The following TMEM120B variants were observed in gnomAD, a reference collection of about 807,000 sequenced individuals.
The protein encoded by TMEM120B is transmembrane protein 120B.
In TMEM120B, 31 loss-of-function variants were observed where a neutral mutation model predicts 55.5. That is an observed-to-expected ratio of 0.56 (90% CI 0.42 to 0.75). The LOEUF (loss-of-function observed/expected upper bound fraction) is 0.75. Among genes scored for constraint, TMEM120B ranks in the 30% least tolerant of loss-of-function variants. TMEM120B has a pLI of 0.00. For missense variants in TMEM120B, 399 were observed against 425.5 expected (o/e 0.94, Z 0.55); for synonymous variants, 203 against 176.3 (o/e 1.15, Z -1.20).
rs1873353269 is a variant in TMEM120B, at chr12:121,752,218, C to G, written c.456C>G (p.His152Gln). The G allele has an allele frequency of 1.9e-6, 3 of 1,613,584 alleles. No homozygotes were observed. In the South Asian group the frequency reaches 3.3e-5, roughly 18 times the overall value. Reference protein sequence around the residue: ...LGAVACRFVLHYRVTDEVFNF... With the variant: ...LGAVACRFVLQYRVTDEVFNF... ...CCGTGGCATGTCGATTTGTCCTTCA[C>G]TACAGGTAGTGGGTGTGGCCGTGTG... is the stretch of plus-strand genomic sequence containing the variant. Residue 152 changes from histidine (H) to glutamine (Q), a missense_variant, in exon 5 of 12, where the codon CAC becomes CAG. His to Gln is a conservative substitution (Grantham distance 24). Around this residue, in one of 3 missense-constraint regions of TMEM120B, gnomAD observed 260 missense variants for 303.9 expected, o/e 0.86. Transcript: ENST00000449592.
intron 6 of TMEM120B, among the ~76,000 whole-genome samples, chr12:121,769,214 C>T (rs907858730): frequency 2.7e-5 from 4 of 147,918 alleles, no homozygotes; most frequent in African/African-American, 7.5e-5. Flanking sequence ...GTTCTGGAAA[C>T]AGAGTTCCCA....
At chr12:121,721,841 C>T (rs1331424369) in intron 1 of TMEM120B, among the ~76,000 whole-genome samples, 6 of 116,624 alleles carry the variant, frequency 5.1e-5, no homozygotes, top group Admixed American at 9.9e-5. Context: ...CAGCGTCTTG[C>T]TCTGTCGCCC....
chr12:121,750,486 C>T, intron 4 of TMEM120B, 47 bp downstream of exon 4: 1 of 1,383,084 alleles, frequency 7.2e-7, no homozygotes, highest in Non-Finnish European at 1.0e-6. Flanking sequence ...CACACCGCCC[C>T]CACACCCACA....
chr12:121,774,534 C>T (rs1874171499), intron 9 of TMEM120B, 124 bp from the exon 10 acceptor site: 1 of 875,316 alleles, frequency 1.1e-6, no homozygotes, highest in African/African-American at 1.7e-5. Context: ...GGCTGACCCC[C>T]CGCATGTGTG....
intron 5 of TMEM120B, among the ~76,000 whole-genome samples, chr12:121,753,343 GT>G (rs1055443891): frequency 6.6e-6 from 1 of 151,488 alleles, no homozygotes; most frequent in Non-Finnish European, 1.5e-5. Flanking sequence ...TGGGTACAAG[GT>G]TTTTTTTTAG....
At chr12:121,729,927 A>T (rs528004534) in intron 1 of TMEM120B, among the ~76,000 whole-genome samples, 341 of 152,216 alleles carry the variant, frequency 2.2e-3, no homozygotes, top group Non-Finnish European at 2.4e-3. Context: ...GATAAATAAA[A>T]TGTGGCTCGT....
chr12:121,750,489 C>T (rs766114736), intron 4 of TMEM120B, 50 bp downstream of exon 4: 7 of 1,387,078 alleles, frequency 5.0e-6, no homozygotes, highest in Non-Finnish European at 7.0e-6. Flanking sequence ...ACCGCCCCCA[C>T]ACCCACACCC....
intron 6 of TMEM120B, among the ~76,000 whole-genome samples, chr12:121,764,799 C>G (rs944724125): frequency 1.2e-4 from 19 of 152,108 alleles, no homozygotes; most frequent in Non-Finnish European, 2.1e-4. Context: ...GAGTGGAGGT[C>G]TCTGCAAGTG....
Position 121,733,543 on chromosome 12 carries a change from A to ATT in TMEM120B, c.70-10073_70-10072dup, listed in dbSNP as rs776153472. Among the ~76,000 whole-genome samples the ATT allele has an allele frequency of 2.4e-3, 201 of 82,118 alleles. No individual in the cohort carries two copies. In the East Asian group the frequency reaches 0.065, roughly 27 times the overall value. 53.9% of individuals were successfully genotyped at this position (82,118 alleles called of 152,430 possible). ...ATAGGCGTGAGCCACCGTGCCTGGTATTTTTTTTTTTTTTGAGACAGAGTC... is the reference window on the plus strand; with the variant it reads ...ATAGGCGTGAGCCACCGTGCCTGGTATTTTTTTTTTTTTTTTGAGACAGAGTC... On this transcript the variant is annotated intron_variant, in intron 1 of 11. Transcript: ENST00000449592.
At chr12:121,724,030 CTTTTTTTTTTTT>C (rs56972824) in intron 1 of TMEM120B, among the ~76,000 whole-genome samples, 1 of 75,962 alleles carries the variant, frequency 1.3e-5, no homozygotes, top group African/African-American at 5.3e-5. Context: ...TCAAGTGATC[CTTTTTTTTTTTT>C]TTTTTTTTTT....
In TMEM120B at chr12:121,741,737, A is replaced by G. The variant is rs544930113; in HGVS notation, c.70-1892A>G. Among the ~76,000 whole-genome samples, 4 of 152,172 alleles carry G rather than the reference A, an allele frequency of 2.6e-5. No homozygotes were observed. In the East Asian group the frequency reaches 5.8e-4, roughly 22 times the overall value. On this transcript the variant is annotated intron_variant, in intron 1 of 11. Coordinates refer to ENST00000449592, the MANE Select transcript of TMEM120B (RefSeq NM_001080825.2). ...AACCTCCACCTCCTGGGTTCAAGCA[A>G]TTCTCATGCCTTAGCCTCCCGAGTA...
chr12:121,762,820 G>A (rs1873723178), intron 6 of TMEM120B, among the ~76,000 whole-genome samples: 1 of 152,196 alleles, frequency 6.6e-6, no homozygotes, highest in South Asian at 2.1e-4. Flanking sequence ...TAGGAGTGTG[G>A]ACTCCTGGGT....
At chr12:121,774,340 T>TG (rs1278902723) in intron 9 of TMEM120B, among the ~76,000 whole-genome samples, 2 of 152,222 alleles carry the variant, frequency 1.3e-5, no homozygotes, top group African/African-American at 4.8e-5. Context: ...ATAGAACTAA[T>TG]GCATGTGAAA....
intron 2 of TMEM120B, among the ~76,000 whole-genome samples, chr12:121,744,614 G>C (rs1873029239): frequency 1.3e-5 from 2 of 152,160 alleles, no homozygotes; most frequent in Admixed American, 1.3e-4. Flanking sequence ...TTCATTTCCT[G>C]ACACTCATGG....
intron 1 of TMEM120B, among the ~76,000 whole-genome samples, chr12:121,716,885 A>G (rs1008583132): frequency 2.0e-5 from 3 of 152,146 alleles, no homozygotes; most frequent in Admixed American, 2.0e-4. Context: ...GAAGGAAAGA[A>G]AGAGCAAACC....
chr12:121,738,656 A>G (rs960616373), intron 1 of TMEM120B, among the ~76,000 whole-genome samples: 4 of 152,190 alleles, frequency 2.6e-5, no homozygotes, highest in Non-Finnish European at 5.9e-5. Flanking sequence ...TAACTTATTA[A>G]TTACCAGTGG....
chr12:121,781,289 G>A lies in TMEM120B; in HGVS notation c.*5567G>A, dbSNP rs1874448558. ...GGGCCAGGCAAGTGACCCTGCCTTA[G>A]GGCCTCAATTTCCTCATCTATACAA... is the stretch of plus-strand genomic sequence containing the variant. On this transcript the variant is annotated 3_prime_UTR_variant, in exon 12 of 12. Transcript: ENST00000449592. 9.3e-7 allele frequency: 1 copy of A among 1,072,024 alleles called. No individual in the cohort carries two copies. The highest frequency in any genetic ancestry group is 1.4e-6 in the Non-Finnish European group (1 of 723,304). The allele number at this position is 1,072,024 out of a possible 1,614,324, so 66.4% of individuals were successfully genotyped here. A position where few individuals can be genotyped will look rare whatever the true frequency, so the allele number is the denominator to read the frequency against.
chr12:121,775,263 G>A lies in TMEM120B; in HGVS notation c.906+133G>A. ...GATGGCAGATGTGGGGGTGGGGTGT[G>A]TGCGTGTGTGTGGTGTGCTGTGGGG... On this transcript the variant is annotated intron_variant, in intron 11 of 11. Coordinates refer to ENST00000449592, the MANE Select transcript of TMEM120B (RefSeq NM_001080825.2). This position sits in a 1 kb window ranked among gnomAD's most constrained non-coding sequence, Gnocchi z 4.3. The A allele has an allele frequency of 8.1e-6, 9 of 1,111,368 alleles. No homozygotes were observed. The highest frequency in any genetic ancestry group is 1.2e-5 in the Non-Finnish European group (9 of 779,990). 68.8% of individuals were successfully genotyped at this position (1,111,368 alleles called of 1,614,324 possible).
rs558073138 is a variant in TMEM120B at position 121,761,821 on chromosome 12, C to T, written c.551+83C>T. The T allele has an allele frequency of 1.9e-3, 2,010 of 1,071,134 alleles. 46 individuals are homozygous for T. The South Asian group carries it at 0.025, about 13-fold the overall frequency. The allele number at this position is 1,071,134 out of a possible 1,614,324, so 66.4% of individuals were successfully genotyped here. A position where few individuals can be genotyped will look rare whatever the true frequency, so the allele number is the denominator to read the frequency against. ...AGGGGCGTCAGATGGGGGCCGACAC[C>T]CTCAGGCTGCATTCCTCTCCTCCTT... On this transcript the variant is annotated intron_variant, in intron 6 of 11. Transcript: ENST00000449592.
Sources: gnomAD v4.1 joint callset for allele counts (sites outside exome capture counted in the v4.1 genomes callset) on GRCh38, gnomAD v4.1.1 for gene constraint, gnomAD v4.1.1 regional missense constraint, Gnocchi (gnomAD v3.1) non-coding constraint, MANE v1.5 for transcripts, NCBI Gene and HGNC (gene_info 2026-07-23, HGNC 2026-07-21) for gene names.